Variants in SHISA9 observed in about 807,000 individuals in gnomAD.
SHISA9 encodes the protein protein shisa-9.
SHISA9 carries 13 observed loss-of-function variants against 38.0 expected under a neutral mutation model. The ratio of observed to expected loss-of-function variants is 0.34; its 90% CI spans 0.22 to 0.54. SHISA9 has a LOEUF of 0.54. Ranked by LOEUF, SHISA9 falls within the 20% of genes least tolerant of loss-of-function variation. The pLI is 0.91. For missense variants in SHISA9, 538 were observed against 575.8 expected (o/e 0.93, Z 0.67); for synonymous variants, 275 against 242.0 (o/e 1.14, Z -1.27).
intron 2 of SHISA9, among the ~76,000 whole-genome samples, chr16:13,117,359 CGT>C (rs1293754680): frequency 6.6e-6 from 1 of 152,098 alleles, no homozygotes; most frequent in African/African-American, 2.4e-5. Context: ...ATACAGCAGA[CGT>C]GTGTTTGGAT....
At chr16:13,445,808 A>G in the SHISA9 span, among the ~76,000 whole-genome samples, 1 of 152,184 alleles carries the variant, frequency 6.6e-6, no homozygotes, top group African/African-American at 2.4e-5. Context: ...CAGTTATGTG[A>G]CTTTGGGAGG....
In SHISA9 at chr16:13,237,856, A is replaced by G. The variant is rs1416740393; in HGVS notation, c.*2447A>G. On this transcript the variant is annotated 3_prime_UTR_variant, in exon 5 of 5. Coordinates refer to ENST00000558583, the MANE Select transcript of SHISA9 (RefSeq NM_001145204.3). ...CATGGTCAGAGTTTCCTTGACGTTAATGAGCTATGTACCTGCAACACACTT... is the reference window on the plus strand; with the variant it reads ...CATGGTCAGAGTTTCCTTGACGTTAGTGAGCTATGTACCTGCAACACACTT... 1.3e-5 allele frequency: 2 copies of G among 152,104 alleles called. No individual in the cohort carries two copies. Among genetic ancestry groups the G allele is most frequent in the African/African-American group, 4.8e-5 (2 of 41,420 alleles). 9.4% of individuals were successfully genotyped at this position (152,104 alleles called of 1,614,324 possible).
intron 2 of SHISA9, among the ~76,000 whole-genome samples, chr16:13,119,748 G>T (rs1377643832): frequency 1.3e-5 from 2 of 152,192 alleles, no homozygotes; most frequent in Admixed American, 1.3e-4. Flanking sequence ...CTAGAGGACT[G>T]TTCGATGGAT....
chr16:13,468,793 A>G, the SHISA9 span, among the ~76,000 whole-genome samples: 6 of 151,880 alleles, frequency 4.0e-5, no homozygotes, highest in Admixed American at 6.6e-5. Flanking sequence ...CCTGAGAAAC[A>G]TAGTGAGACC....
intron 2 of SHISA9, among the ~76,000 whole-genome samples, chr16:12,951,885 A>G (rs763261891): frequency 3.9e-5 from 6 of 152,216 alleles, no homozygotes; most frequent in Non-Finnish European, 8.8e-5. Context: ...AAGATGGAGA[A>G]ATATGCAGGA....
chr16:13,146,591 A>T (rs2050449424), intron 2 of SHISA9, among the ~76,000 whole-genome samples: 1 of 152,210 alleles, frequency 6.6e-6, no homozygotes, highest in Admixed American at 6.5e-5. Context: ...GTCTAGGTCC[A>T]CAGCTTTTAA....
chr16:13,306,801 A>G, the SHISA9 span, among the ~76,000 whole-genome samples: 12 of 152,216 alleles, frequency 7.9e-5, no homozygotes, highest in Non-Finnish European at 1.6e-4. Flanking sequence ...CTTCTGCTTT[A>G]TCCTATCCCT....
At chr16:13,379,875 C>T in the SHISA9 span, among the ~76,000 whole-genome samples, 1 of 151,972 alleles carries the variant, frequency 6.6e-6, no homozygotes, top group South Asian at 2.1e-4. Flanking sequence ...ATCATTATAG[C>T]TAATATATCA....
intron 2 of SHISA9, among the ~76,000 whole-genome samples, chr16:12,924,970 G>A (rs1204937104): frequency 6.6e-6 from 1 of 152,184 alleles, no homozygotes; most frequent in Non-Finnish European, 1.5e-5. Context: ...CACATGTAAA[G>A]AACTTAGCAT....
the SHISA9 span, among the ~76,000 whole-genome samples, chr16:13,324,957 A>C: frequency 6.6e-6 from 1 of 152,216 alleles, no homozygotes; most frequent in Non-Finnish European, 1.5e-5. Flanking sequence ...TGAAAGAGTT[A>C]AGCTCTGCCT....
the SHISA9 span, among the ~76,000 whole-genome samples, chr16:13,490,608 G>A: frequency 6.6e-6 from 1 of 152,104 alleles, no homozygotes; most frequent in Non-Finnish European, 1.5e-5. Flanking sequence ...AAGCCCCTTT[G>A]GGTAAACTGA....
intron 2 of SHISA9, among the ~76,000 whole-genome samples, chr16:13,026,610 A>G (rs1016959870): frequency 6.6e-6 from 1 of 152,238 alleles, no homozygotes; most frequent in South Asian, 2.1e-4. Flanking sequence ...GCTGCATCGT[A>G]TGGTAGTTCT....
intron 2 of SHISA9, among the ~76,000 whole-genome samples, chr16:13,006,479 A>G (rs957332485): frequency 6.6e-6 from 1 of 152,196 alleles, no homozygotes; most frequent in Admixed American, 6.5e-5. Flanking sequence ...GAAGCAAGAC[A>G]CAGAGACTCT....
intron 2 of SHISA9, among the ~76,000 whole-genome samples, chr16:13,120,347 TA>T (rs144113832): frequency 0.015 from 2,230 of 152,206 alleles, 48 homozygotes; most frequent in East Asian, 0.054. Flanking sequence ...GGGGACTTTT[TA>T]ACAGGGGATT....
the SHISA9 span, among the ~76,000 whole-genome samples, chr16:13,383,784 G>C: frequency 6.6e-6 from 1 of 152,098 alleles, no homozygotes; most frequent in Admixed American, 6.5e-5. Flanking sequence ...CGAGTAGCTG[G>C]GACCATAGGC....
the SHISA9 span, among the ~76,000 whole-genome samples, chr16:13,271,527 T>A: frequency 1.1e-4 from 16 of 152,226 alleles, no homozygotes; most frequent in Middle Eastern, 0.01. Flanking sequence ...ACATTCTATA[T>A]CCCTACCATG....
At chr16:12,954,903 C>T (rs2071808127) in intron 2 of SHISA9, among the ~76,000 whole-genome samples, 1 of 152,094 alleles carries the variant, frequency 6.6e-6, no homozygotes. Flanking sequence ...GAGGGCACAG[C>T]ATGCATAAAT....
intron 2 of SHISA9, among the ~76,000 whole-genome samples, chr16:13,137,880 A>G (rs1276722528): frequency 1.3e-5 from 2 of 152,166 alleles, no homozygotes; most frequent in African/African-American, 4.8e-5. Context: ...TTTGCCTGAA[A>G]TGCCATTTTC....
the SHISA9 span, among the ~76,000 whole-genome samples, chr16:13,289,597 G>A: frequency 6.6e-6 from 1 of 151,928 alleles, no homozygotes; most frequent in Non-Finnish European, 1.5e-5. Context: ...TGATGAAGGA[G>A]GGTAGGAAAG....
Sources: allele counts gnomAD v4.1 joint callset (sites outside exome capture counted in the v4.1 genomes callset), GRCh38; gene constraint gnomAD v4.1.1; transcripts MANE v1.5; gene names NCBI Gene and HGNC (gene_info 2026-07-23, HGNC 2026-07-21).